Variants in TRPM3 observed in about 807,000 individuals in gnomAD.
TRPM3 encodes long transient receptor potential channel 3.
TRPM3 carries 77 observed loss-of-function variants against 181.2 expected under a neutral mutation model. The observed-to-expected ratio is 0.42, with a 90% CI of 0.35 to 0.51. TRPM3 has a LOEUF of 0.51. Ranked by LOEUF, TRPM3 falls within the 20% of genes least tolerant of loss-of-function variation. The pLI, the probability that TRPM3 is intolerant of heterozygous loss-of-function variation, is 0.01. For missense variants in TRPM3, 1,759 were observed against 2,196.7 expected, an observed-to-expected ratio of 0.80 and a Z score of 3.98; for synonymous variants, 745 against 796.4, an observed-to-expected ratio of 0.94 and a Z score of 1.09.
intron 1 of TRPM3, among the ~76,000 whole-genome samples, chr9:70,994,385 A>G (rs967218130): frequency 3.3e-5 from 5 of 152,198 alleles, no homozygotes; most frequent in Admixed American, 6.5e-5. Context: ...TCCAAAGCCT[A>G]TGATCTTTCC....
At chr9:71,215,987 G>A (rs941510338) in intron 1 of TRPM3, among the ~76,000 whole-genome samples, 3 of 152,222 alleles carry the variant, frequency 2.0e-5, no homozygotes, top group Non-Finnish European at 4.4e-5. Flanking sequence ...TGGATCAGAA[G>A]TTAATGGCCT....
At chr9:70,583,161 T>C (rs1055436419) in intron 22 of TRPM3, among the ~76,000 whole-genome samples, 1 of 152,106 alleles carries the variant, frequency 6.6e-6, no homozygotes, top group Admixed American at 6.5e-5. Flanking sequence ...CTCAGGGACC[T>C]TAGAGTGTTT....
At chr9:70,803,133 G>A (rs540836172) in intron 6 of TRPM3, among the ~76,000 whole-genome samples, 1 of 151,644 alleles carries the variant, frequency 6.6e-6, no homozygotes, top group South Asian at 2.1e-4. Context: ...GGAGAAGTGG[G>A]AGCAGATGAG....
chr9:70,636,286 T>TAA (rs77492938), intron 11 of TRPM3, among the ~76,000 whole-genome samples: 37 of 133,318 alleles, frequency 2.8e-4, no homozygotes, highest in African/African-American at 9.6e-4. Flanking sequence ...ATTAAAAATG[T>TAA]AAAAAAAAAA....
Position 71,053,642 on chromosome 9 carries a change from A to G in TRPM3, c.177+67536T>C, listed in dbSNP as rs925278513. ...AGAGAGGTTTTCATAAAATGTAAAA[A>G]TACTGTAAAATGTCTAAGGGTCTAA... On this transcript the variant is annotated intron_variant, in intron 1 of 25. Transcript: ENST00000677713. Among the ~76,000 whole-genome samples, 6 of 152,248 alleles carry G rather than the reference A, an allele frequency of 3.9e-5. No individual in the cohort carries two copies. The East Asian group carries it at 1.2e-3, about 29-fold the overall frequency.
chr9:70,788,072 T>G (rs889457512), intron 6 of TRPM3, among the ~76,000 whole-genome samples: 53 of 150,078 alleles, frequency 3.5e-4, no homozygotes, highest in African/African-American at 1.3e-3. Flanking sequence ...GCAGGTTAGT[T>G]ACATATGTAT....
intron 1 of TRPM3, among the ~76,000 whole-genome samples, chr9:71,095,417 T>C (rs763853145): frequency 3.3e-5 from 5 of 152,092 alleles, no homozygotes; most frequent in African/African-American, 9.7e-5. Flanking sequence ...CAGTTTCTTA[T>C]GAGCTCTTAC....
chr9:71,154,756 A>G (rs1395427974), intron 1 of TRPM3, among the ~76,000 whole-genome samples: 1 of 152,142 alleles, frequency 6.6e-6, no homozygotes. Context: ...TCAACTTCCC[A>G]TCTCTACAAA....
chr9:71,192,115 A>G (rs2078067985), intron 1 of TRPM3, among the ~76,000 whole-genome samples: 5 of 152,008 alleles, frequency 3.3e-5, no homozygotes, highest in Non-Finnish European at 1.5e-5. Flanking sequence ...ATATTATAGC[A>G]AAAGCACATA....
chr9:70,809,632 G>A (rs2091479478), intron 6 of TRPM3, among the ~76,000 whole-genome samples: 1 of 152,178 alleles, frequency 6.6e-6, no homozygotes, highest in East Asian at 1.9e-4. Flanking sequence ...TTCTAGGTTT[G>A]TATAAGTACA....
At chr9:71,171,762 A>T (rs1466647252) in intron 1 of TRPM3, among the ~76,000 whole-genome samples, 2 of 152,146 alleles carry the variant, frequency 1.3e-5, no homozygotes, top group Non-Finnish European at 2.9e-5. Context: ...TAAAACCAGG[A>T]GGTGTCGTTC....
chr9:70,971,200 C>A (rs571598874), intron 1 of TRPM3, among the ~76,000 whole-genome samples: 1 of 152,146 alleles, frequency 6.6e-6, no homozygotes, highest in African/African-American at 2.4e-5. Context: ...AATAAAAAAT[C>A]CAAAGTTTTG....
In TRPM3 at chr9:71,445,037, G is replaced by C. The variant is rs139559800; in HGVS notation, c.183+1616C>G. On this transcript the variant is annotated intron_variant, in intron 1 of 24. Transcript: ENST00000357533. ...CACCCTTAGCAAACAGGAGGACATA[G>C]TTACTTTTCCAGATGTCTCTGGTTG... 3.6e-3 allele frequency among the ~76,000 whole-genome samples: 544 copies of C among 152,286 alleles called. 5 individuals are homozygous for C. Among genetic ancestry groups the C allele is most frequent in the African/African-American group, 0.012 (509 of 41,578 alleles).
intron 1 of TRPM3, among the ~76,000 whole-genome samples, chr9:71,005,152 T>C (rs1307513918): frequency 2.0e-5 from 3 of 152,116 alleles, no homozygotes; most frequent in Non-Finnish European, 4.4e-5. Flanking sequence ...CTCATGCCTG[T>C]AATCCAGTAC....
At chr9:71,016,348 A>G (rs1214724861) in intron 1 of TRPM3, among the ~76,000 whole-genome samples, 3 of 151,964 alleles carry the variant, frequency 2.0e-5, no homozygotes, top group African/African-American at 7.3e-5. Context: ...ATCATTGTGC[A>G]ACCATCACAA....
chr9:70,949,946 G>C (rs563088161), intron 1 of TRPM3, among the ~76,000 whole-genome samples: 2 of 152,216 alleles, frequency 1.3e-5, no homozygotes, highest in African/African-American at 4.8e-5. Context: ...CAGGCATGTT[G>C]ATAGAGTCCA....
chr9:71,006,788 G>A (rs1260916287), intron 1 of TRPM3, among the ~76,000 whole-genome samples: 3 of 149,322 alleles, frequency 2.0e-5, no homozygotes, highest in African/African-American at 7.4e-5. Flanking sequence ...GGAGAATGGC[G>A]TGAACCCGGG....
chr9:71,348,067 A>G (rs745986951), intron 1 of TRPM3, among the ~76,000 whole-genome samples: 179 of 152,172 alleles, frequency 1.2e-3, no homozygotes, highest in Non-Finnish European at 1.1e-3. Context: ...AATAAAAAAA[A>G]TTGTTATTTT....
chr9:70,814,946 T>C (rs1239803353), intron 6 of TRPM3, among the ~76,000 whole-genome samples: 1 of 146,836 alleles, frequency 6.8e-6, no homozygotes, highest in African/African-American at 2.5e-5. Flanking sequence ...ATAAAAGCAA[T>C]ATTTTCTCAT....
Sources: gnomAD v4.1 joint callset for allele counts (sites outside exome capture counted in the v4.1 genomes callset) on GRCh38, gnomAD v4.1.1 for gene constraint, MANE v1.5 for transcripts, NCBI Gene and HGNC (gene_info 2026-07-23, HGNC 2026-07-21) for gene names.